The following CORO2B variants were observed in gnomAD, a reference collection of about 807,000 sequenced individuals.
The protein encoded by CORO2B is coronin 2B, also known as coronin-2B.
In CORO2B, 26 loss-of-function variants were observed where a neutral mutation model predicts 58.8. The ratio of observed to expected loss-of-function variants is 0.44; its 90% CI spans 0.32 to 0.61. CORO2B has a LOEUF of 0.61. CORO2B is among the 20% of genes least tolerant of loss of function. CORO2B has a pLI of 0.04. For synonymous variants in CORO2B, 242 were observed against 253.8 expected, an observed-to-expected ratio of 0.95 and a Z score of 0.44; for missense variants, 460 against 645.1, an observed-to-expected ratio of 0.71 and a Z score of 3.11.
At chr15:68,556,717 G>A in the CORO2B span, among the ~76,000 whole-genome samples, 1 of 152,182 alleles carries the variant, frequency 6.6e-6, no homozygotes, top group Non-Finnish European at 1.5e-5. Context: ...CTTGGTTGTT[G>A]TTCGGGGTCT....
chr15:68,640,093 C>A (rs777430274), intron 1 of CORO2B, among the ~76,000 whole-genome samples: 1 of 152,218 alleles, frequency 6.6e-6, no homozygotes, highest in Non-Finnish European at 1.5e-5. Flanking sequence ...ACCCATGCAT[C>A]TGACCTCACA....
At chr15:68,719,583 C>A (rs777148481) in intron 11 of CORO2B, 31 bp downstream of exon 11, 2 of 1,593,668 alleles carry the variant, frequency 1.3e-6, no homozygotes, top group Non-Finnish European at 1.7e-6. Flanking sequence ...CCTCCACAGG[C>A]CCTGGAAGAG....
chr15:68,580,253 C>T (rs1172259466), intron 1 of CORO2B, among the ~76,000 whole-genome samples: 1 of 152,210 alleles, frequency 6.6e-6, no homozygotes, highest in Non-Finnish European at 1.5e-5. Flanking sequence ...CACAGTCTGG[C>T]GGTGGCCTCG....
chr15:68,548,233 A>T, the CORO2B span, among the ~76,000 whole-genome samples: 10 of 151,684 alleles, frequency 6.6e-5, no homozygotes, highest in African/African-American at 2.4e-4. Context: ...ATGTTGATAC[A>T]TACATCTAAT....
chr15:68,682,101 G>A (rs1426387447), intron 2 of CORO2B, among the ~76,000 whole-genome samples: 1 of 152,152 alleles, frequency 6.6e-6, no homozygotes, highest in East Asian at 1.9e-4. Flanking sequence ...CCCTGCTTCA[G>A]CTTTCATGGT....
At chr15:68,544,870 G>T in the CORO2B span, among the ~76,000 whole-genome samples, 1 of 152,032 alleles carries the variant, frequency 6.6e-6, no homozygotes, top group African/African-American at 2.4e-5. Flanking sequence ...TCCGCCTCCG[G>T]GGTTCACGCC....
the CORO2B span, among the ~76,000 whole-genome samples, chr15:68,533,336 T>C: frequency 0.95 from 144,540 of 152,304 alleles, 68,674 homozygotes; most frequent in East Asian, 1. Context: ...GTGGAAATCT[T>C]GTGTGCTGAA....
At chr15:68,570,619 C>A in the CORO2B span, among the ~76,000 whole-genome samples, 1 of 152,142 alleles carries the variant, frequency 6.6e-6, no homozygotes. Flanking sequence ...TACAAGTTGT[C>A]CTTTTGTTCT....
the CORO2B span, among the ~76,000 whole-genome samples, chr15:68,521,006 G>A: frequency 6.6e-5 from 10 of 152,002 alleles, no homozygotes; most frequent in Middle Eastern, 6.8e-3. Flanking sequence ...CCAAGATCAT[G>A]CCACTGCACT....
chr15:68,629,812 T>TA (rs11404600), intron 1 of CORO2B, among the ~76,000 whole-genome samples: 152,271 of 152,272 alleles, frequency 1, 76,135 homozygotes, highest in Middle Eastern at 1. Flanking sequence ...CTTGGGCTCT[T>TA]AACCAGCATG....
At chr15:68,674,485 AC>A (rs1902509431) in intron 2 of CORO2B, among the ~76,000 whole-genome samples, 1 of 152,122 alleles carries the variant, frequency 6.6e-6, no homozygotes, top group African/African-American at 2.4e-5. Context: ...TCCAGAACTG[AC>A]AGGTGGGATG....
the CORO2B span, among the ~76,000 whole-genome samples, chr15:68,535,939 T>C: frequency 1.3e-5 from 2 of 152,136 alleles, no homozygotes; most frequent in African/African-American, 4.8e-5. Flanking sequence ...AAAAATGATA[T>C]ATGATTTGTA....
chr15:68,550,986 G>A, the CORO2B span, among the ~76,000 whole-genome samples: 8 of 152,172 alleles, frequency 5.3e-5, no homozygotes, highest in Non-Finnish European at 7.4e-5. Context: ...CAGGATGGGC[G>A]TGGGATCCTC....
chr15:68,613,034 C>T (rs938569749), intron 1 of CORO2B, among the ~76,000 whole-genome samples: 1 of 152,210 alleles, frequency 6.6e-6, no homozygotes, highest in Non-Finnish European at 1.5e-5. Flanking sequence ...TCCCCTCTCT[C>T]ACTTCACCAA....
chr15:68,540,142 C>T, the CORO2B span, among the ~76,000 whole-genome samples: 1 of 152,212 alleles, frequency 6.6e-6, no homozygotes, highest in Non-Finnish European at 1.5e-5. Flanking sequence ...ATTTGTCAAC[C>T]TTGCACTTTA....
chr15:68,681,313 G>A (rs560834572), intron 2 of CORO2B, among the ~76,000 whole-genome samples: 1 of 152,124 alleles, frequency 6.6e-6, no homozygotes, highest in East Asian at 1.9e-4. Flanking sequence ...CAGGAGTTGG[G>A]GCGTCTCTTG....
chr15:68,534,727 T>C, the CORO2B span, among the ~76,000 whole-genome samples: 2 of 152,202 alleles, frequency 1.3e-5, no homozygotes, highest in Non-Finnish European at 2.9e-5. Flanking sequence ...TGACTAGCTG[T>C]ACTAGTCCAT....
At chr15:68,571,364 C>G in the CORO2B span, among the ~76,000 whole-genome samples, 1 of 152,100 alleles carries the variant, frequency 6.6e-6, no homozygotes, top group Non-Finnish European at 1.5e-5. Context: ...CCCTAAGAGC[C>G]ATGGCATTGT....
chr15:68,643,794 T>C (rs1566993544), intron 1 of CORO2B, among the ~76,000 whole-genome samples: 2 of 152,112 alleles, frequency 1.3e-5, no homozygotes, highest in African/African-American at 4.8e-5. Context: ...TCCCAGCGCT[T>C]TGGGAGGCCG....
Sources: gnomAD v4.1 joint callset for allele counts (sites outside exome capture counted in the v4.1 genomes callset) on GRCh38, gnomAD v4.1.1 for gene constraint, MANE v1.5 for transcripts, NCBI Gene and HGNC (gene_info 2026-07-23, HGNC 2026-07-21) for gene names.